Variants in CYRIB observed in about 807,000 individuals in gnomAD.
The protein encoded by CYRIB is CYFIP related Rac1 interactor B, also known as CYFIP-related Rac1 interactor B.
Under a neutral mutation model 44.2 loss-of-function variants are expected in CYRIB, and 8 were observed. The observed-to-expected ratio is 0.18, with a 90% CI of 0.11 to 0.33. The LOEUF (loss-of-function observed/expected upper bound fraction) is 0.33, where lower values mean the gene tolerates loss of function less well. Among genes scored for constraint, CYRIB ranks in the 10% least tolerant of loss-of-function variants. The probability of loss-of-function intolerance (pLI) is 1.00; values close to 1 mark genes in which losing one functional copy is unlikely to be tolerated. For missense variants in CYRIB, 185 were observed against 382.8 expected, an observed-to-expected ratio of 0.48 and a Z score of 4.31; for synonymous variants, 131 against 127.2, an observed-to-expected ratio of 1.03 and a Z score of -0.20.
At chr8:129,868,205 T>C (rs903286376) in intron 4 of CYRIB, among the ~76,000 whole-genome samples, 18 of 152,342 alleles carry the variant, frequency 1.2e-4, no homozygotes, top group Middle Eastern at 3.4e-3. Context: ...TCTCTACTCT[T>C]CAGAAATCTT....
At chr8:129,910,721 G>A (rs548495710) in intron 1 of CYRIB, among the ~76,000 whole-genome samples, 14 of 152,106 alleles carry the variant, frequency 9.2e-5, no homozygotes, top group African/African-American at 1.7e-4. Context: ...TGGCTTAAGC[G>A]CAAGAGTTCA....
intron 1 of CYRIB, among the ~76,000 whole-genome samples, chr8:130,005,847 G>A (rs915857837): frequency 2.7e-5 from 4 of 150,594 alleles, no homozygotes; most frequent in Non-Finnish European, 5.9e-5. Context: ...GGCTGGAAAA[G>A]ATGGGACTAG....
At chr8:130,006,596 A>T (rs867854243) in intron 1 of CYRIB, among the ~76,000 whole-genome samples, 7 of 42,780 alleles carry the variant, frequency 1.6e-4, no homozygotes, top group Admixed American at 2.8e-4. Context: ...AACACAAATT[A>T]TATATATATA....
intron 2 of CYRIB, among the ~76,000 whole-genome samples, chr8:129,953,498 T>C (rs2094610042): frequency 6.6e-6 from 1 of 152,208 alleles, no homozygotes; most frequent in Non-Finnish European, 1.5e-5. Flanking sequence ...GCACGTGCTC[T>C]CAACCTCTGT....
At chr8:130,008,077 C>T (rs1473882357) in intron 1 of CYRIB, among the ~76,000 whole-genome samples, 2 of 151,986 alleles carry the variant, frequency 1.3e-5, no homozygotes, top group Admixed American at 6.5e-5. Context: ...GGTATGGTTG[C>T]GGGCGCCTGT....
intron 1 of CYRIB, among the ~76,000 whole-genome samples, chr8:129,927,568 A>G (rs2088619194): frequency 6.6e-6 from 1 of 152,254 alleles, no homozygotes. Context: ...CTCTATGAAT[A>G]AATGTGGAGA....
At chr8:129,968,926 G>C (rs1032082209) in intron 2 of CYRIB, among the ~76,000 whole-genome samples, 3 of 151,120 alleles carry the variant, frequency 2.0e-5, no homozygotes, top group Non-Finnish European at 2.9e-5. Context: ...TAAAACTTTG[G>C]CCCTCAGGCT....
intron 4 of CYRIB, among the ~76,000 whole-genome samples, chr8:129,864,038 T>C (rs896685037): frequency 1.2e-4 from 19 of 152,214 alleles, no homozygotes; most frequent in Admixed American, 7.9e-4. Context: ...AAAATAAAAT[T>C]GAACCCAGAC....
intron 1 of CYRIB, among the ~76,000 whole-genome samples, chr8:129,998,135 AAAAC>A (rs1437094195): frequency 3.3e-5 from 5 of 151,456 alleles, no homozygotes; most frequent in African/African-American, 7.3e-5. Context: ...AAAAAAAAAA[AAAAC>A]AAAAAAAACA....
intron 2 of CYRIB, among the ~76,000 whole-genome samples, chr8:129,966,994 C>T (rs2095501236): frequency 6.6e-6 from 1 of 152,004 alleles, no homozygotes. Flanking sequence ...CAAGCACAGA[C>T]AAAAATAAAT....
chr8:129,903,574 TA>T (rs57710501), intron 1 of CYRIB, among the ~76,000 whole-genome samples: 4,752 of 152,254 alleles, frequency 0.031, 254 homozygotes, highest in African/African-American at 0.11. Context: ...CAACAATAGG[TA>T]AGACAACCCA....
intron 1 of CYRIB, among the ~76,000 whole-genome samples, chr8:130,011,382 G>A (rs770456694): frequency 3.9e-5 from 6 of 152,110 alleles, no homozygotes; most frequent in Non-Finnish European, 5.9e-5. Context: ...TTAGCCTGGT[G>A]TGGTGGTACG....
At chr8:129,956,052 T>G (rs1413231043) in intron 2 of CYRIB, among the ~76,000 whole-genome samples, 1 of 152,158 alleles carries the variant, frequency 6.6e-6, no homozygotes, top group Non-Finnish European at 1.5e-5. Context: ...CACCTGACAA[T>G]CTGGTTAGCC....
At chr8:129,860,801 T>A (rs1003854560) in intron 5 of CYRIB, among the ~76,000 whole-genome samples, 1 of 151,744 alleles carries the variant, frequency 6.6e-6, no homozygotes, top group Non-Finnish European at 1.5e-5. Context: ...GAGGCAGAGA[T>A]GGTTTGCCAT....
chr8:129,922,707 C>CA (rs2084411497), intron 1 of CYRIB, among the ~76,000 whole-genome samples: 1 of 151,014 alleles, frequency 6.6e-6, no homozygotes, highest in African/African-American at 2.4e-5. Context: ...ACTAAAAATA[C>CA]AAAAAATTAG....
chr8:129,990,296 T>TG (rs1442503018), intron 1 of CYRIB, among the ~76,000 whole-genome samples: 8 of 152,186 alleles, frequency 5.3e-5, no homozygotes, highest in Non-Finnish European at 1.0e-4. Flanking sequence ...AATAAACGCT[T>TG]GTTTTATGTA....
At chr8:129,885,654 GCCTCCAGA>G (rs1211538656) in intron 2 of CYRIB, among the ~76,000 whole-genome samples, 1 of 151,236 alleles carries the variant, frequency 6.6e-6, no homozygotes, top group East Asian at 1.9e-4. Flanking sequence ...AACCAATAAC[GCCTCCAGA>G]CACTGTCAAA....
chr8:129,980,537 G>A (rs937092386), intron 1 of CYRIB, among the ~76,000 whole-genome samples: 4 of 151,666 alleles, frequency 2.6e-5, no homozygotes, highest in Admixed American at 6.6e-5. Flanking sequence ...GGTGGCTCAC[G>A]CCTGTAATCC....
chr8:129,987,812 T>C (rs2096518925), intron 1 of CYRIB, among the ~76,000 whole-genome samples: 3 of 152,134 alleles, frequency 2.0e-5, no homozygotes, highest in Admixed American at 6.6e-5. Context: ...CCTCAAGTGA[T>C]CCACCTGCCT....
Sources: gnomAD v4.1 joint callset for allele counts (sites outside exome capture counted in the v4.1 genomes callset) on GRCh38, gnomAD v4.1.1 for gene constraint, MANE v1.5 for transcripts, NCBI Gene and HGNC (gene_info 2026-07-23, HGNC 2026-07-21) for gene names.